The following FARSB variants were observed in gnomAD, a reference collection of about 807,000 sequenced individuals.
The protein encoded by FARSB is phenylalanyl-tRNA synthetase subunit beta, also known as phenylalanine--tRNA ligase beta subunit.
A neutral mutation model predicts 69.6 loss-of-function variants in FARSB; 40 were observed. The observed-to-expected ratio is 0.57, with a 90% CI of 0.45 to 0.75. FARSB has a LOEUF of 0.75. Among genes scored for constraint, FARSB ranks in the 30% least tolerant of loss-of-function variants. The probability of loss-of-function intolerance (pLI) is 0.00; values close to 1 mark genes in which losing one functional copy is unlikely to be tolerated. For synonymous variants in FARSB, 235 were observed against 247.2 expected (o/e 0.95, Z 0.46); for missense variants, 632 against 722.9 (o/e 0.87, Z 1.44).
intron 1 of FARSB, among the ~76,000 whole-genome samples, chr2:222,653,624 G>A (rs1318452179): frequency 6.6e-6 from 1 of 150,676 alleles, no homozygotes; most frequent in Non-Finnish European, 1.5e-5. Flanking sequence ...CAATCCTTCT[G>A]ACTGAATTTT....
chr2:222,649,415 T>C (rs1482058726), intron 1 of FARSB, among the ~76,000 whole-genome samples: 1 of 152,256 alleles, frequency 6.6e-6, no homozygotes, highest in East Asian at 1.9e-4. Context: ...AGAGATCAGA[T>C]ATAAAGTAGG....
intron 15 of FARSB, among the ~76,000 whole-genome samples, chr2:222,604,315 T>C (rs766178151): frequency 2.6e-5 from 4 of 152,184 alleles, no homozygotes; most frequent in Non-Finnish European, 5.9e-5. Context: ...AAGAATTCCA[T>C]TTAAGCAACT....
At chr2:222,628,114 C>T (rs1409593281) in intron 10 of FARSB, among the ~76,000 whole-genome samples, 1 of 152,186 alleles carries the variant, frequency 6.6e-6, no homozygotes, top group Admixed American at 6.5e-5. Context: ...TTATTAGTTA[C>T]AGTGATGCCT....
At chr2:222,642,150 G>A (rs1360511143) in intron 3 of FARSB, among the ~76,000 whole-genome samples, 2 of 152,034 alleles carry the variant, frequency 1.3e-5, no homozygotes, top group African/African-American at 4.8e-5. Flanking sequence ...ACAGGTGCAC[G>A]CCACTATGCC....
intron 15 of FARSB, among the ~76,000 whole-genome samples, chr2:222,606,483 A>G (rs1056599646): frequency 6.6e-6 from 1 of 152,214 alleles, no homozygotes; most frequent in Non-Finnish European, 1.5e-5. Context: ...GTGTCATGCC[A>G]TCAAACAATT....
At chr2:222,579,703 A>G (rs997904852) in intron 16 of FARSB, among the ~76,000 whole-genome samples, 1 of 152,252 alleles carries the variant, frequency 6.6e-6, no homozygotes, top group East Asian at 1.9e-4. Context: ...ATATGAAAAA[A>G]ATAGATACTA....
At chr2:222,582,815 C>T (rs1056638420) in intron 16 of FARSB, among the ~76,000 whole-genome samples, 17 of 151,902 alleles carry the variant, frequency 1.1e-4, no homozygotes, top group Admixed American at 9.8e-4. Flanking sequence ...ATCCCAGCTA[C>T]TCGGGAGGCT....
At chr2:222,653,086 G>A (rs80223569) in intron 1 of FARSB, among the ~76,000 whole-genome samples, 18 of 152,226 alleles carry the variant, frequency 1.2e-4, no homozygotes, top group African/African-American at 3.6e-4. Context: ...ATTACACCAC[G>A]CCAGAACAGG....
chr2:222,619,291 G>A (rs1691079616), intron 14 of FARSB, among the ~76,000 whole-genome samples: 1 of 148,768 alleles, frequency 6.7e-6, no homozygotes, highest in African/African-American at 2.5e-5. Context: ...GAGCAACAGG[G>A]CAAGACTCTG....
At chr2:222,587,308 A>G (rs913224764) in intron 16 of FARSB, among the ~76,000 whole-genome samples, 2 of 152,216 alleles carry the variant, frequency 1.3e-5, no homozygotes, top group African/African-American at 2.4e-5. Flanking sequence ...TTTGAAACCA[A>G]TGAGAACAAA....
At chr2:222,610,789 A>G (rs928272330) in intron 15 of FARSB, among the ~76,000 whole-genome samples, 6 of 152,222 alleles carry the variant, frequency 3.9e-5, no homozygotes, top group African/African-American at 9.6e-5. Context: ...TAACATATCA[A>G]TGAAATAAGT....
chr2:222,628,347 A>C (rs1691329185), intron 10 of FARSB, among the ~76,000 whole-genome samples: 1 of 152,234 alleles, frequency 6.6e-6, no homozygotes, highest in Non-Finnish European at 1.5e-5. Context: ...GATATGATGG[A>C]TATGCCAACT....
At chr2:222,647,376 G>A (rs1360522280) in intron 2 of FARSB, among the ~76,000 whole-genome samples, 2 of 152,152 alleles carry the variant, frequency 1.3e-5, no homozygotes, top group Non-Finnish European at 2.9e-5. Context: ...GCAAGGCCTA[G>A]CTCTCTAGAG....
chr2:222,608,544 G>C (rs1301030101), intron 15 of FARSB, among the ~76,000 whole-genome samples: 2 of 152,112 alleles, frequency 1.3e-5, no homozygotes, highest in Non-Finnish European at 2.9e-5. Context: ...TTCTGTGATG[G>C]CCTTGGTGGT....
intron 16 of FARSB, among the ~76,000 whole-genome samples, chr2:222,593,716 C>A (rs1219778026): frequency 6.6e-6 from 1 of 151,082 alleles, no homozygotes. Flanking sequence ...CAAAACAAAA[C>A]AAAAATTAGC....
chr2:222,593,985 G>A (rs1690344429), intron 16 of FARSB, among the ~76,000 whole-genome samples: 1 of 151,210 alleles, frequency 6.6e-6, no homozygotes, highest in East Asian at 1.9e-4. Flanking sequence ...AGCTGGGCGT[G>A]GTGGCTCACA....
chr2:222,582,193 T>G lies in FARSB; in HGVS notation c.1619-10171A>C, dbSNP rs188771778. On this transcript the variant is annotated intron_variant, in intron 16 of 16. Transcript: ENST00000281828. ...TCAATGTTAATCAACAGGAAATTAG[T>G]TGATTACACTGTGGAACTCCATAAA... is the stretch of plus-strand genomic sequence containing the variant. Among the ~76,000 whole-genome samples the G allele has an allele frequency of 1.5e-4, 23 of 152,324 alleles. No individual in the cohort carries two copies. The East Asian group carries it at 4.4e-3, about 29-fold the overall frequency.
At chr2:222,604,261 T>G (rs1035988856) in intron 15 of FARSB, among the ~76,000 whole-genome samples, 2 of 151,990 alleles carry the variant, frequency 1.3e-5, no homozygotes, top group African/African-American at 4.8e-5. Flanking sequence ...ATGTTTTTTA[T>G]ATGATAAACA....
chr2:222,576,331 T>C (rs188233270), intron 16 of FARSB, among the ~76,000 whole-genome samples: 100 of 152,152 alleles, frequency 6.6e-4, no homozygotes, highest in African/African-American at 2.3e-3. Context: ...GCTTGCAATC[T>C]GATACTTAAC....
Sources: allele counts gnomAD v4.1 joint callset (sites outside exome capture counted in the v4.1 genomes callset), GRCh38; gene constraint gnomAD v4.1.1; transcripts MANE v1.5; gene names NCBI Gene and HGNC (gene_info 2026-07-23, HGNC 2026-07-21).